The following PPM1L variants were observed in gnomAD, a reference collection of about 807,000 sequenced individuals.
PPM1L encodes protein phosphatase, Mg2+/Mn2+ dependent 1L.
Under a neutral mutation model 31.4 loss-of-function variants are expected in PPM1L, and 13 were observed. The observed-to-expected ratio is 0.41, with a 90% CI of 0.27 to 0.66. The LOEUF is 0.66. Among genes scored for constraint, PPM1L ranks in the 30% least tolerant of loss-of-function variants. PPM1L has a pLI of 0.29. For missense variants in PPM1L, 326 were observed against 453.7 expected, an observed-to-expected ratio of 0.72 and a Z score of 2.56; for synonymous variants, 184 against 175.4, an observed-to-expected ratio of 1.05 and a Z score of -0.39.
intron 1 of PPM1L, among the ~76,000 whole-genome samples, chr3:160,891,519 GA>G (rs1713140716): frequency 6.6e-6 from 1 of 152,172 alleles, no homozygotes; most frequent in Non-Finnish European, 1.5e-5. Context: ...AGGCTGTGGA[GA>G]ACAAAGGAAT....
At chr3:160,757,381 C>T (rs1714840435) in intron 1 of PPM1L, among the ~76,000 whole-genome samples, 1 of 152,266 alleles carries the variant, frequency 6.6e-6, no homozygotes, top group African/African-American at 2.4e-5. Context: ...GTGGCTATGC[C>T]CGCAAAGGAG....
chr3:160,977,530 C>G (rs1716635661), intron 2 of PPM1L, among the ~76,000 whole-genome samples: 1 of 152,176 alleles, frequency 6.6e-6, no homozygotes, highest in Non-Finnish European at 1.5e-5. Context: ...CTGTACTTAA[C>G]TGACTTATTC....
chr3:160,999,352 T>G (rs1159867232), intron 2 of PPM1L, among the ~76,000 whole-genome samples: 1 of 152,190 alleles, frequency 6.6e-6, no homozygotes, highest in East Asian at 1.9e-4. Flanking sequence ...ATACTGTGGT[T>G]GCACTTAGTA....
chr3:160,902,808 A>T (rs1713590415), intron 1 of PPM1L, among the ~76,000 whole-genome samples: 1 of 152,124 alleles, frequency 6.6e-6, no homozygotes, highest in Non-Finnish European at 1.5e-5. Context: ...AGTTGTGGAC[A>T]TGCCTTTCTA....
chr3:160,995,688 G>C (rs1004622253), intron 2 of PPM1L, among the ~76,000 whole-genome samples: 10 of 152,122 alleles, frequency 6.6e-5, no homozygotes, highest in African/African-American at 2.4e-4. Flanking sequence ...TTATTCTAAA[G>C]AATGAGAGAA....
intron 1 of PPM1L, among the ~76,000 whole-genome samples, chr3:160,862,411 A>G (rs1340040237): frequency 6.6e-6 from 1 of 152,108 alleles, no homozygotes; most frequent in African/African-American, 2.4e-5. Context: ...AAATGAAGGT[A>G]TGTTTTCTGG....
At chr3:160,863,690 C>T (rs574187596) in intron 1 of PPM1L, among the ~76,000 whole-genome samples, 1 of 152,278 alleles carries the variant, frequency 6.6e-6, no homozygotes, top group African/African-American at 2.4e-5. Context: ...ACAGTTTGAT[C>T]TTTAACAATT....
chr3:161,065,494 G>C lies in PPM1L; in HGVS notation c.666G>C (p.Gly222=). 1 of 1,614,068 alleles carries C rather than the reference G, an allele frequency of 6.2e-7. No homozygotes were observed. Among genetic ancestry groups the C allele is most frequent in the Non-Finnish European group, 8.5e-7 (1 of 1,179,944 alleles). Residue 222 remains glycine (G), a synonymous_variant, in exon 3 of 4, where the codon GGG becomes GGC. Coordinates refer to ENST00000498165, the MANE Select transcript of PPM1L (RefSeq NM_139245.4). ...GCGGGGTCCTGTGTGACAAAGATGG[G>C]AACGCTATTCCTTTGTCTCATGATC... ...DSRGVLCDKD[G]NAIPLSHDHK...
chr3:161,015,239 A>G (rs1335709101), intron 2 of PPM1L, among the ~76,000 whole-genome samples: 1 of 152,208 alleles, frequency 6.6e-6, no homozygotes, highest in Non-Finnish European at 1.5e-5. Context: ...TGGAAAGCTT[A>G]GTAGTTATTT....
chr3:160,974,297 G>C (rs1218751811), intron 2 of PPM1L, among the ~76,000 whole-genome samples: 1 of 151,632 alleles, frequency 6.6e-6, no homozygotes, highest in Non-Finnish European at 1.5e-5. Context: ...TTGGTTCCAA[G>C]TCTTTGCTAT....
intron 1 of PPM1L, among the ~76,000 whole-genome samples, chr3:160,898,442 T>C (rs1162682306): frequency 3.3e-5 from 5 of 152,172 alleles, no homozygotes; most frequent in African/African-American, 9.7e-5. Context: ...CTTAGGGCCC[T>C]CTCAGAGACT....
intron 2 of PPM1L, among the ~76,000 whole-genome samples, chr3:160,964,362 A>G (rs1217793318): frequency 1.3e-5 from 2 of 152,056 alleles, no homozygotes; most frequent in African/African-American, 4.8e-5. Context: ...AGACTAAGCT[A>G]GAGAAAAAAA....
intron 1 of PPM1L, among the ~76,000 whole-genome samples, chr3:160,939,926 A>G (rs1375311077): frequency 6.6e-6 from 1 of 152,230 alleles, no homozygotes; most frequent in African/African-American, 2.4e-5. Context: ...AATGTGGGAA[A>G]GCCTGGAACC....
intron 1 of PPM1L, among the ~76,000 whole-genome samples, chr3:160,913,918 AAT>A (rs1337470236): frequency 1.3e-5 from 2 of 152,186 alleles, no homozygotes; most frequent in Non-Finnish European, 2.9e-5. Context: ...TCTGAGTAGA[AAT>A]ATGTTTTCAT....
chr3:160,761,223 T>C (rs1014299470), intron 1 of PPM1L, among the ~76,000 whole-genome samples: 2 of 152,210 alleles, frequency 1.3e-5, no homozygotes, highest in Non-Finnish European at 2.9e-5. Flanking sequence ...CTAGATAGAA[T>C]AAAATCTGTT....
rs531193270 is a variant in PPM1L at position 160,875,604 on chromosome 3, G to A, written c.400-86132G>A. On this transcript the variant is annotated intron_variant, in intron 1 of 3. Coordinates refer to ENST00000498165, the MANE Select transcript of PPM1L (RefSeq NM_139245.4). Reference sequence around the variant, plus strand: ...TAGAAATTAAATAAAATAGCTAGAAGTTATTGAGGATTTACTATGTGCAAG... The same window carrying A: ...TAGAAATTAAATAAAATAGCTAGAAATTATTGAGGATTTACTATGTGCAAG... 4.6e-5 allele frequency among the ~76,000 whole-genome samples: 7 copies of A among 152,302 alleles called. No homozygotes were observed. The East Asian group carries it at 7.7e-4, about 17-fold the overall frequency.
At chr3:161,001,361 A>G (rs922611248) in intron 2 of PPM1L, among the ~76,000 whole-genome samples, 4 of 152,080 alleles carry the variant, frequency 2.6e-5, no homozygotes, top group Admixed American at 2.6e-4. Context: ...TACTTACTGC[A>G]ACCTCCACCT....
chr3:160,969,902 A>G (rs1181746816), intron 2 of PPM1L, among the ~76,000 whole-genome samples: 2 of 152,256 alleles, frequency 1.3e-5, no homozygotes, highest in African/African-American at 4.8e-5. Context: ...ACGTGGAAAA[A>G]GGAAGAGAAA....
At chr3:160,948,430 G>A (rs1185443707) in intron 1 of PPM1L, among the ~76,000 whole-genome samples, 1 of 152,176 alleles carries the variant, frequency 6.6e-6, no homozygotes, top group East Asian at 1.9e-4. Flanking sequence ...AGCTTTCCAG[G>A]ATTCAAAGTC....
Sources: allele counts gnomAD v4.1 joint callset (sites outside exome capture counted in the v4.1 genomes callset), GRCh38; gene constraint gnomAD v4.1.1; transcripts MANE v1.5; gene names NCBI Gene and HGNC (gene_info 2026-07-23, HGNC 2026-07-21).